FBXO22: variants seen among roughly 807,000 people sequenced by gnomAD.
The protein encoded by FBXO22 is F-box only protein 22.
FBXO22 carries 13 observed loss-of-function variants against 37.2 expected under a neutral mutation model. The ratio of observed to expected loss-of-function variants is 0.35; its 90% CI spans 0.23 to 0.56. The LOEUF is 0.56. FBXO22 is among the 20% of genes least tolerant of loss of function. The pLI is 0.87. For synonymous variants in FBXO22, 189 were observed against 189.1 expected, an observed-to-expected ratio of 1.00 and a Z score of 0.00; for missense variants, 446 against 509.9, an observed-to-expected ratio of 0.87 and a Z score of 1.21.
At chr15:75,917,762 T>C (rs1900221192) in intron 5 of FBXO22, among the ~76,000 whole-genome samples, 1 of 152,230 alleles carries the variant, frequency 6.6e-6, no homozygotes, top group Non-Finnish European at 1.5e-5. Context: ...ACCTTTTTTA[T>C]TCTAGTAACA....
chr15:75,926,635 C>T (rs1900447180), intron 5 of FBXO22, among the ~76,000 whole-genome samples: 1 of 152,106 alleles, frequency 6.6e-6, no homozygotes, highest in Admixed American at 6.5e-5. Flanking sequence ...TTTACTGAGC[C>T]AGAGGTTGAG....
intron 6 of FBXO22, among the ~76,000 whole-genome samples, chr15:75,931,099 T>G (rs2029992768): frequency 6.6e-6 from 1 of 152,102 alleles, no homozygotes; most frequent in Non-Finnish European, 1.5e-5. Context: ...CTTGCCTAAT[T>G]TTTCCTGTGT....
chr15:75,921,259 T>C (rs1161246050), intron 5 of FBXO22, among the ~76,000 whole-genome samples: 1 of 152,082 alleles, frequency 6.6e-6, no homozygotes, highest in Non-Finnish European at 1.5e-5. Flanking sequence ...AGACTAGAAG[T>C]TGGTGTGGGG....
At position 75,934,962 on chromosome 15, in the gene FBXO22, T is replaced by C. The variant is rs1427782075; in HGVS notation, c.*1860T>C. Reference sequence around the variant, plus strand: ...AAGAGTCTGATACAGGGTAATTTCATACAATATTTGATGTTGTTAAAGCAT... The same window carrying C: ...AAGAGTCTGATACAGGGTAATTTCACACAATATTTGATGTTGTTAAAGCAT... On this transcript the variant is annotated 3_prime_UTR_variant, in exon 7 of 7. Coordinates refer to ENST00000308275, the MANE Select transcript of FBXO22 (RefSeq NM_147188.3). 1 of 152,250 alleles carries C rather than the reference T, an allele frequency of 6.6e-6. No homozygotes were observed. Among genetic ancestry groups the C allele is most frequent in the Non-Finnish European group, 1.5e-5 (1 of 68,034 alleles). 9.4% of individuals were successfully genotyped at this position (152,250 alleles called of 1,614,324 possible).
In FBXO22 at chr15:75,936,910, T is replaced by A. The variant is rs922568710; in HGVS notation, c.*3808T>A. ...TTCTTAAAACAGATTTATAAAAGTT[T>A]TTGCTATATAGTGACTGTTAGCCAG... On this transcript the variant is annotated 3_prime_UTR_variant, in exon 7 of 7. Coordinates refer to ENST00000308275, the MANE Select transcript of FBXO22 (RefSeq NM_147188.3). The A allele has an allele frequency of 6.6e-5, 10 of 152,150 alleles. No individual in the cohort carries two copies. The highest frequency in any genetic ancestry group is 1.0e-4 in the Non-Finnish European group (7 of 68,030). The allele number at this position is 152,150 out of a possible 1,614,324, so 9.4% of individuals were successfully genotyped here. A position where few individuals can be genotyped will look rare whatever the true frequency, so the allele number is the denominator to read the frequency against.
In FBXO22 at chr15:75,934,278, T is replaced by C. The variant is rs2030181692; in HGVS notation, c.*1176T>C. On this transcript the variant is annotated 3_prime_UTR_variant, in exon 7 of 7. Coordinates refer to ENST00000308275, the MANE Select transcript of FBXO22 (RefSeq NM_147188.3). ...ACCCTGAAGAGGAGGCAACACACCA[T>C]TGTAGAAGAAAAACAACAGAAGGAT... The C allele has an allele frequency of 6.6e-6, 1 of 152,194 alleles. No individual in the cohort carries two copies. The highest frequency in any genetic ancestry group is 2.4e-5 in the African/African-American group (1 of 41,426). The allele number at this position is 152,194 out of a possible 1,614,324, so 9.4% of individuals were successfully genotyped here.
rs2030131653 is a variant in FBXO22, at chr15:75,933,281, T to C, written c.*179T>C. On this transcript the variant is annotated 3_prime_UTR_variant, in exon 7 of 7. Coordinates refer to ENST00000308275, the MANE Select transcript of FBXO22 (RefSeq NM_147188.3). ...TAATATATTAGATGAAGGACAACTTTGGACATAACACTGACTAGGAGTTGA... is the reference window on the plus strand; with the variant it reads ...TAATATATTAGATGAAGGACAACTTCGGACATAACACTGACTAGGAGTTGA... 5.1e-6 allele frequency: 3 copies of C among 584,820 alleles called. No individual in the cohort carries two copies. The highest frequency in any genetic ancestry group is 5.9e-6 in the Non-Finnish European group (2 of 339,462). 36.2% of individuals were successfully genotyped at this position (584,820 alleles called of 1,614,324 possible). A position where few individuals can be genotyped will look rare whatever the true frequency, so the allele number is the denominator to read the frequency against.
In FBXO22 at chr15:75,932,722, C is replaced by T; in HGVS notation, c.832C>T (p.Leu278=). The T allele has an allele frequency of 6.2e-7, 1 of 1,612,652 alleles. No individual in the cohort carries two copies. Among genetic ancestry groups the T allele is most frequent in the Non-Finnish European group, 8.5e-7 (1 of 1,179,148 alleles). The part of the protein sequence containing the change: ...LDIDASGVVG[L]SFSGHRIQSA... ...TATTGATGCCTCGGGTGTGGTTGGA[C>T]TGTCATTTAGTGGACACCGAATCCA... is the stretch of plus-strand genomic sequence containing the variant. Residue 278 remains leucine, a synonymous_variant, in exon 7 of 7, where the codon CTG becomes TTG. Transcript: ENST00000308275.
intron 5 of FBXO22, among the ~76,000 whole-genome samples, chr15:75,922,339 C>T (rs1283474772): frequency 2.0e-5 from 3 of 152,204 alleles, no homozygotes; most frequent in Non-Finnish European, 4.4e-5. Context: ...ATAATCATAA[C>T]CCAAGTGAGT....
At chr15:75,918,181 CCT>C (rs1447877847) in intron 5 of FBXO22, among the ~76,000 whole-genome samples, 5 of 152,152 alleles carry the variant, frequency 3.3e-5, no homozygotes, top group South Asian at 4.1e-4. Context: ...TAGAGATAAA[CCT>C]CTGTTATTTG....
At chr15:75,930,972 G>GT in intron 6 of FBXO22, 4 of 564,868 alleles carry the variant, frequency 7.1e-6, no homozygotes, top group Non-Finnish European at 9.0e-6. Context: ...TCCCTGGACT[G>GT]CCAGGGAGGA....
chr15:75,936,750 T>A lies in FBXO22; in HGVS notation c.*3648T>A, dbSNP rs2030379519. On this transcript the variant is annotated 3_prime_UTR_variant, in exon 7 of 7. Transcript: ENST00000308275. ...CCACCATGCCTGGCTAATTTTGTAT[T>A]TTTAGTAGAGATGGGGTTTCTCTGT... The A allele has an allele frequency of 6.6e-6, 1 of 151,904 alleles. No individual in the cohort carries two copies. The highest frequency in any genetic ancestry group is 2.4e-5 in the African/African-American group (1 of 41,312). 9.4% of individuals were successfully genotyped at this position (151,904 alleles called of 1,614,324 possible).
Position 75,930,035 on chromosome 15 carries a change from A to G in FBXO22, c.780A>G (p.Ser260=), listed in dbSNP as rs2029958916. The change falls in exon 6 of 7, where the codon TCA becomes TCG. Residue 260 remains serine, a synonymous_variant. Transcript: ENST00000308275. ...LAGGQVDNLS[S]LTSEKNPLDI... is the part of the protein sequence containing the mutation. ...GAGGCCAGGTGGACAACCTGTCATC[A>G]CTGACTTCTGAAAAGTATGTCTTGT... The G allele has an allele frequency of 6.2e-7, 1 of 1,614,056 alleles. No individual in the cohort carries two copies.
chr15:75,903,886 C>T lies in FBXO22; in HGVS notation c.-78C>T, dbSNP rs1169723421. 7.2e-7 allele frequency: 1 copy of T among 1,396,070 alleles called. No homozygotes were observed. The highest frequency in any genetic ancestry group is 9.3e-7 in the Non-Finnish European group (1 of 1,073,826). The allele number at this position is 1,396,070 out of a possible 1,614,324, so 86.5% of individuals were successfully genotyped here. A position where few individuals can be genotyped will look rare whatever the true frequency, so the allele number is the denominator to read the frequency against. On this transcript the variant is annotated 5_prime_UTR_variant, in exon 1 of 7. Transcript: ENST00000308275. The stretch of plus-strand genomic sequence containing the variant: ...GGCGCGGACGCCTGCTCAGTGCGCG[C>T]CGGCCGGGCAACCCTATGCTGGCGT...
intron 2 of FBXO22, among the ~76,000 whole-genome samples, chr15:75,905,407 G>A (rs1419532137): frequency 6.6e-6 from 1 of 152,220 alleles, no homozygotes; most frequent in Non-Finnish European, 1.5e-5. Context: ...CAGAGGGGCT[G>A]CAGGGTGTAC....
chr15:75,933,115 C>G lies in FBXO22; in HGVS notation c.*13C>G. 1 of 1,575,072 alleles carries G rather than the reference C, an allele frequency of 6.3e-7. No homozygotes were observed. Among genetic ancestry groups the G allele is most frequent in the Non-Finnish European group, 8.6e-7 (1 of 1,162,798 alleles). On this transcript the variant is annotated 3_prime_UTR_variant, in exon 7 of 7. Transcript: ENST00000308275. Reference sequence around the variant, plus strand: ...GTCATCTAAATAATAATTAAAGTGGCTTTCATAATATGTAACTTTTGGGTT... The same window carrying G: ...GTCATCTAAATAATAATTAAAGTGGGTTTCATAATATGTAACTTTTGGGTT...
rs2030803102 is a variant in FBXO22, at chr15:75,940,235, C to T, written c.*7133C>T. On this transcript the variant is annotated 3_prime_UTR_variant, in exon 7 of 7. Transcript: ENST00000308275. ...GAGAAGGAAATTACAAGAACAGTCC[C>T]ATTTACCATAGCGTCAAAAAGAATA... is the stretch of plus-strand genomic sequence containing the variant. The T allele has an allele frequency of 6.6e-6, 1 of 151,964 alleles. No homozygotes were observed. Among genetic ancestry groups the T allele is most frequent in the Non-Finnish European group, 1.5e-5 (1 of 67,926 alleles). 9.4% of individuals were successfully genotyped at this position (151,964 alleles called of 1,614,324 possible).
chr15:75,912,379 G>A (rs1900078260), intron 2 of FBXO22, among the ~76,000 whole-genome samples: 1 of 152,124 alleles, frequency 6.6e-6, no homozygotes, highest in Non-Finnish European at 1.5e-5. Context: ...GTAGAATTCG[G>A]CTGTGAATTC....
chr15:75,927,009 G>A (rs1900459221), intron 5 of FBXO22, among the ~76,000 whole-genome samples: 1 of 152,190 alleles, frequency 6.6e-6, no homozygotes, highest in South Asian at 2.1e-4. Context: ...ATGGGAGGAT[G>A]TACATCTTAA....
Sources: gnomAD v4.1 joint callset for allele counts (sites outside exome capture counted in the v4.1 genomes callset) on GRCh38, gnomAD v4.1.1 for gene constraint, MANE v1.5 for transcripts, NCBI Gene and HGNC (gene_info 2026-07-23, HGNC 2026-07-21) for gene names.